The following DSCAML1 variants were observed in gnomAD, a reference collection of about 807,000 sequenced individuals.
DSCAML1 encodes cell adhesion molecule DSCAML1.
In DSCAML1, 38 loss-of-function variants were observed where a neutral mutation model predicts 200.5. The observed-to-expected ratio is 0.19, with a 90% CI of 0.15 to 0.25. The LOEUF (loss-of-function observed/expected upper bound fraction) is 0.25. Among genes scored for constraint, DSCAML1 ranks in the 10% least tolerant of loss-of-function variants. The probability of loss-of-function intolerance (pLI) is 1.00; values close to 1 mark genes in which losing one functional copy is unlikely to be tolerated. For missense variants in DSCAML1, 2,223 were observed against 2,858.8 expected (o/e 0.78, Z 5.07); for synonymous variants, 1,215 against 1,165.0 (o/e 1.04, Z -0.87).
At chr11:117,486,379 A>T (rs1205555565) in intron 11 of DSCAML1, among the ~76,000 whole-genome samples, 1 of 150,960 alleles carries the variant, frequency 6.6e-6, no homozygotes, top group Non-Finnish European at 1.5e-5. Flanking sequence ...CTGATGTGAA[A>T]ATGGCGGATG....
At chr11:117,766,237 G>C (rs1335496991) in intron 3 of DSCAML1, among the ~76,000 whole-genome samples, 1 of 152,202 alleles carries the variant, frequency 6.6e-6, no homozygotes, top group East Asian at 1.9e-4. Context: ...AAAATCACAG[G>C]CTTGGCAGGA....
intron 3 of DSCAML1, among the ~76,000 whole-genome samples, chr11:117,589,775 C>G (rs965675048): frequency 9.8e-5 from 15 of 152,290 alleles, no homozygotes; most frequent in African/African-American, 3.6e-4. Context: ...TGGAAGGTTT[C>G]TCAGTTTAGA....
At chr11:117,448,340 G>A (rs1454469541) in intron 20 of DSCAML1, among the ~76,000 whole-genome samples, 3 of 152,274 alleles carry the variant, frequency 2.0e-5, no homozygotes, top group East Asian at 1.9e-4. Flanking sequence ...GGCTGCTACC[G>A]ATTCATTCTT....
intron 8 of DSCAML1, among the ~76,000 whole-genome samples, chr11:117,515,610 C>CTTTTTTTTTTTTTTTTTTTTTTTT (rs56765238): frequency 3.1e-5 from 2 of 65,122 alleles, no homozygotes; most frequent in African/African-American, 1.7e-4. Context: ...AGGGACGAAG[C>CTTTTTTTTTTTTTTTTTTTTTTTT]TTTTTTTTTT....
intron 1 of DSCAML1, among the ~76,000 whole-genome samples, chr11:117,790,062 C>T (rs1680879860): frequency 1.3e-5 from 2 of 152,188 alleles, no homozygotes; most frequent in Admixed American, 6.5e-5. Flanking sequence ...CGCAGGGGTC[C>T]TATCCTCTCT....
At chr11:117,654,866 A>G (rs2052702484) in intron 3 of DSCAML1, among the ~76,000 whole-genome samples, 1 of 151,912 alleles carries the variant, frequency 6.6e-6, no homozygotes, top group African/African-American at 2.4e-5. Flanking sequence ...GCAATGCTTT[A>G]TTCCGGGTAC....
chr11:117,765,628 T>G (rs11603563), intron 3 of DSCAML1, among the ~76,000 whole-genome samples: 152 of 152,140 alleles, frequency 1.0e-3, no homozygotes, highest in African/African-American at 3.5e-3. Flanking sequence ...CTAGGAAAAA[T>G]TGAAAACCTA....
chr11:117,537,259 T>C (rs1347892103), intron 3 of DSCAML1, among the ~76,000 whole-genome samples: 1 of 152,184 alleles, frequency 6.6e-6, no homozygotes, highest in Non-Finnish European at 1.5e-5. Flanking sequence ...CTTTCTGGAG[T>C]GTCTCCAGGT....
chr11:117,428,807 G>A lies in DSCAML1; in HGVS notation c.5687-4C>T, dbSNP rs1416050289. On this transcript the variant is annotated splice_polypyrimidine_tract_variant and splice_region_variant and intron_variant, in intron 32 of 32. Coordinates refer to ENST00000651296, the MANE Select transcript of DSCAML1 (RefSeq NM_020693.4). Reference sequence around the variant, plus strand: ...AGGGGCAGGTTGCAGTAGTCACCTGGAATCACAGAGGCAGAGGATGTTACA... The same window carrying A: ...AGGGGCAGGTTGCAGTAGTCACCTGAAATCACAGAGGCAGAGGATGTTACA... 1 of 1,589,778 alleles carries A rather than the reference G, an allele frequency of 6.3e-7. No homozygotes were observed. Among genetic ancestry groups the A allele is most frequent in the Non-Finnish European group, 8.5e-7 (1 of 1,170,706 alleles).
At chr11:117,746,486 G>C (rs1206055212) in intron 3 of DSCAML1, among the ~76,000 whole-genome samples, 1 of 152,134 alleles carries the variant, frequency 6.6e-6, no homozygotes, top group African/African-American at 2.4e-5. Flanking sequence ...GAGGCCAAGA[G>C]AAGTCCAGTG....
Position 117,626,341 on chromosome 11 carries a change from G to A in DSCAML1, c.512-93819C>T, listed in dbSNP as rs185464340. Among the ~76,000 whole-genome samples, 27 of 152,224 alleles carry A rather than the reference G, an allele frequency of 1.8e-4. No homozygotes were observed. In the East Asian group the frequency reaches 5.0e-3, roughly 28 times the overall value. Reference sequence around the variant, plus strand: ...AGAAAGCTACTCCTTAAGCAGAAAGGACCCTGTGCCATGTTGCCAGGGCCC... The same window carrying A: ...AGAAAGCTACTCCTTAAGCAGAAAGAACCCTGTGCCATGTTGCCAGGGCCC... On this transcript the variant is annotated intron_variant, in intron 3 of 32. Transcript: ENST00000651296.
upstream of DSCAML1, among the ~76,000 whole-genome samples, chr11:117,797,466 C>T (rs2055606343): frequency 6.6e-6 from 1 of 152,238 alleles, no homozygotes; most frequent in African/African-American, 2.4e-5. Flanking sequence ...CCTGTGGTCG[C>T]AGACAGGCAT....
intron 19 of DSCAML1, among the ~76,000 whole-genome samples, chr11:117,452,940 A>T (rs1034794879): frequency 1.1e-4 from 17 of 151,482 alleles, no homozygotes; most frequent in Non-Finnish European, 1.2e-4. Context: ...CTTTATTTTC[A>T]TTTTTTTTGA....
At position 117,525,094 on chromosome 11, in the gene DSCAML1, G is replaced by A; in HGVS notation, c.659-11C>T. The A allele has an allele frequency of 6.6e-7, 1 of 1,524,686 alleles. No individual in the cohort carries two copies. The highest frequency in any genetic ancestry group is 2.1e-4 in the Middle Eastern group (1 of 4,720). The allele number at this position is 1,524,686 out of a possible 1,614,324, so 94.4% of individuals were successfully genotyped here. A position where few individuals can be genotyped will look rare whatever the true frequency, so the allele number is the denominator to read the frequency against. ...TCGACTCAGCAGGGTCTGGAAGGCA[G>A]AGAGGGTCGGCAGCCCTGGCCAGCC... is the stretch of plus-strand genomic sequence containing the variant. On this transcript the variant is annotated splice_polypyrimidine_tract_variant and intron_variant, in intron 4 of 32. Coordinates refer to ENST00000651296, the MANE Select transcript of DSCAML1 (RefSeq NM_020693.4).
rs559630861 is a variant in DSCAML1, at chr11:117,461,670, A to C, written c.3266-74T>G. 1.4e-4 allele frequency: 202 copies of C among 1,488,860 alleles called. 2 individuals are homozygous for C. In the South Asian group the frequency reaches 2.4e-3, roughly 17 times the overall value. The allele number at this position is 1,488,860 out of a possible 1,614,324, so 92.2% of individuals were successfully genotyped here. A position where few individuals can be genotyped will look rare whatever the true frequency, so the allele number is the denominator to read the frequency against. On this transcript the variant is annotated intron_variant, in intron 17 of 32. Transcript: ENST00000651296. ...AGTGACAGTACAGCAATTGTGTCCC[A>C]GGCTGGGTCCCGCAGTCCAACCAGA...
At chr11:117,446,536 C>A (rs555787595) in intron 20 of DSCAML1, among the ~76,000 whole-genome samples, 3 of 151,580 alleles carry the variant, frequency 2.0e-5, no homozygotes, top group East Asian at 1.9e-4. Context: ...GGACAAAGGA[C>A]GTAAATTGAC....
intron 3 of DSCAML1, among the ~76,000 whole-genome samples, chr11:117,712,437 T>C (rs1425548112): frequency 6.6e-6 from 1 of 152,146 alleles, no homozygotes; most frequent in Non-Finnish European, 1.5e-5. Context: ...CAGGGGCAAT[T>C]ACCAAATTTC....
chr11:117,596,122 A>G (rs1015412531), intron 3 of DSCAML1, among the ~76,000 whole-genome samples: 1 of 152,220 alleles, frequency 6.6e-6, no homozygotes, highest in Non-Finnish European at 1.5e-5. Flanking sequence ...GGCAAATTTC[A>G]CAGCCCTAAA....
chr11:117,692,212 C>T (rs189940632), intron 3 of DSCAML1, among the ~76,000 whole-genome samples: 57 of 152,086 alleles, frequency 3.7e-4, no homozygotes, highest in African/African-American at 1.2e-3. Flanking sequence ...GCTGCTTGGC[C>T]GCCTCCTCCT....
Sources: allele counts gnomAD v4.1 joint callset (sites outside exome capture counted in the v4.1 genomes callset), GRCh38; gene constraint gnomAD v4.1.1; transcripts MANE v1.5; gene names NCBI Gene and HGNC (gene_info 2026-07-23, HGNC 2026-07-21).